Variants in PRDM16 observed in about 807,000 individuals in gnomAD.
The protein encoded by PRDM16 is PR/SET domain 16.
Under a neutral mutation model 110.6 loss-of-function variants are expected in PRDM16, and 23 were observed. That is an observed-to-expected ratio of 0.21 (90% CI 0.15 to 0.29). The LOEUF is 0.29. Ranked by LOEUF, PRDM16 falls within the 10% of genes least tolerant of loss-of-function variation. The pLI is 1.00. For synonymous variants in PRDM16, 799 were observed against 781.8 expected, an observed-to-expected ratio of 1.02 and a Z score of -0.37; for missense variants, 1,615 against 1,794.3, an observed-to-expected ratio of 0.90 and a Z score of 1.81.
rs1222309278 is a variant in PRDM16, at chr1:3,185,467, C to CCCAGGCTGCGGCCCAAGTGCAGGGATGT, written c.38-625_38-598dup. ...AGGCTGTGGCCTAAGTGCAGGGATG[C>CCCAGGCTGCGGCCCAAGTGCAGGGATGT]CCAGGCTGCGGCCCAAGTGCAGGGA... is the stretch of plus-strand genomic sequence containing the variant. On this transcript the variant is annotated intron_variant, in intron 1 of 16. Coordinates refer to ENST00000270722, the MANE Select transcript of PRDM16 (RefSeq NM_022114.4). Among the ~76,000 whole-genome samples, 3 of 151,962 alleles carry CCCAGGCTGCGGCCCAAGTGCAGGGATGT rather than the reference C, an allele frequency of 2.0e-5. No individual in the cohort carries two copies. The East Asian group carries it at 5.8e-4, about 30-fold the overall frequency.
intron 3 of PRDM16, among the ~76,000 whole-genome samples, chr1:3,264,013 G>A (rs944162147): frequency 2.6e-5 from 4 of 152,276 alleles, no homozygotes; most frequent in African/African-American, 9.6e-5. Context: ...CAAAGCTACT[G>A]TGCAGCTGAG....
intron 3 of PRDM16, among the ~76,000 whole-genome samples, chr1:3,356,584 C>T (rs994850311): frequency 6.6e-6 from 1 of 152,184 alleles, no homozygotes; most frequent in Admixed American, 6.5e-5. Context: ...CCAAGACAGC[C>T]CATGGAGCGT....
At chr1:3,074,966 G>A (rs1304516434) in intron 1 of PRDM16, among the ~76,000 whole-genome samples, 1 of 152,260 alleles carries the variant, frequency 6.6e-6, no homozygotes, top group East Asian at 1.9e-4. Context: ...GGCCACGGTG[G>A]TCATCCTGGG....
At chr1:3,165,457 T>TCACCTGGGCCCAGGGACAGG (rs1557495708) in intron 1 of PRDM16, among the ~76,000 whole-genome samples, 1 of 35,650 alleles carries the variant, frequency 2.8e-5, no homozygotes, top group African/African-American at 1.6e-4. Flanking sequence ...TCAGGGACAG[T>TCACCTGGGCCCAGGGACAGG]GACTCACCTG....
At chr1:3,129,744 G>A (rs1409562026) in intron 1 of PRDM16, among the ~76,000 whole-genome samples, 1 of 152,172 alleles carries the variant, frequency 6.6e-6, no homozygotes, top group Non-Finnish European at 1.5e-5. Context: ...GAAATCCCTG[G>A]AAGAGAAAAG....
chr1:3,090,041 C>T (rs530630480), intron 1 of PRDM16, among the ~76,000 whole-genome samples: 29 of 152,290 alleles, frequency 1.9e-4, no homozygotes, highest in African/African-American at 5.1e-4. Flanking sequence ...ACAGCTTCAC[C>T]GGACAAATAA....
At chr1:3,274,917 C>G (rs948507932) in intron 3 of PRDM16, among the ~76,000 whole-genome samples, 1 of 152,218 alleles carries the variant, frequency 6.6e-6, no homozygotes, top group Non-Finnish European at 1.5e-5. Context: ...CTGCTCAAGG[C>G]GTTCTTGCTC....
At chr1:3,269,651 A>C (rs1640385632) in intron 3 of PRDM16, among the ~76,000 whole-genome samples, 1 of 143,046 alleles carries the variant, frequency 7.0e-6, no homozygotes, top group Non-Finnish European at 1.5e-5. Context: ...GGAGGAGGAC[A>C]GTTGGGAGGA....
At chr1:3,234,365 T>C (rs1474543515) in intron 2 of PRDM16, among the ~76,000 whole-genome samples, 2 of 152,130 alleles carry the variant, frequency 1.3e-5, no homozygotes, top group African/African-American at 4.8e-5. Context: ...ACAAAGGAGC[T>C]GTCCCCGCCC....
intron 3 of PRDM16, among the ~76,000 whole-genome samples, chr1:3,368,282 G>A (rs1642850972): frequency 6.6e-6 from 1 of 152,220 alleles, no homozygotes; most frequent in Non-Finnish European, 1.5e-5. Flanking sequence ...CCGCAACACG[G>A]GCCAGGCTCC....
chr1:3,103,063 G>A (rs12131890), intron 1 of PRDM16, among the ~76,000 whole-genome samples: 8,219 of 152,212 alleles, frequency 0.054, 306 homozygotes, highest in East Asian at 0.076. Flanking sequence ...CGTTCAATGG[G>A]TCCTCCTCTA....
At chr1:3,283,293 G>A (rs2100332530) in intron 3 of PRDM16, among the ~76,000 whole-genome samples, 1 of 152,326 alleles carries the variant, frequency 6.6e-6, no homozygotes. Context: ...CTTGGCCAGG[G>A]CCCGGGGTGG....
At chr1:3,114,444 C>T (rs565508944) in intron 1 of PRDM16, among the ~76,000 whole-genome samples, 1 of 139,152 alleles carries the variant, frequency 7.2e-6, no homozygotes, top group South Asian at 2.1e-4. Flanking sequence ...TAAACAGACG[C>T]ACACGCACAC....
chr1:3,310,190 G>C (rs1206885856), intron 3 of PRDM16: 1 of 152,228 alleles, frequency 6.6e-6, no homozygotes, highest in Non-Finnish European at 1.5e-5. Flanking sequence ...CTGTACGATG[G>C]GTATCATGGT....
intron 5 of PRDM16, among the ~76,000 whole-genome samples, chr1:3,400,777 C>T (rs1054350592): frequency 1.3e-5 from 2 of 152,152 alleles, no homozygotes; most frequent in African/African-American, 4.8e-5. Flanking sequence ...TGCCTGGACA[C>T]CGGCTGAGAA....
rs72630953 is a variant in PRDM16 at position 3,124,687 on chromosome 1, T to G, written c.37+55391T>G. Reference sequence around the variant, plus strand: ...GGAAGAATGAGGGCCGGGGGTCAGGTGTATCTGGGCTTGCATCCCTACTCA... The same window carrying G: ...GGAAGAATGAGGGCCGGGGGTCAGGGGTATCTGGGCTTGCATCCCTACTCA... On this transcript the variant is annotated intron_variant, in intron 1 of 16. Transcript: ENST00000270722. 6.8e-3 allele frequency among the ~76,000 whole-genome samples: 1,040 copies of G among 152,174 alleles called. 2 individuals are homozygous for G. The highest frequency in any genetic ancestry group is 0.011 in the Non-Finnish European group (716 of 67,980).
intron 3 of PRDM16, among the ~76,000 whole-genome samples, chr1:3,277,759 A>ACACGTGCG (rs1557576380): frequency 1.5e-5 from 2 of 136,364 alleles, no homozygotes; most frequent in African/African-American, 6.8e-5. Context: ...ACACACATGC[A>ACACGTGCG]CACACGCGCA....
chr1:3,355,567 C>T (rs779997782), intron 3 of PRDM16, among the ~76,000 whole-genome samples: 33 of 152,248 alleles, frequency 2.2e-4, no homozygotes, highest in South Asian at 4.1e-4. Context: ...TACAGCCAGG[C>T]GTGCCCAAGA....
At chr1:3,097,951 G>A (rs1224990336) in intron 1 of PRDM16, among the ~76,000 whole-genome samples, 2 of 152,108 alleles carry the variant, frequency 1.3e-5, no homozygotes, top group Non-Finnish European at 2.9e-5. Flanking sequence ...CCCTCTTCTT[G>A]TCCTGTCCCT....
Sources: allele counts gnomAD v4.1 joint callset (sites outside exome capture counted in the v4.1 genomes callset), GRCh38; gene constraint gnomAD v4.1.1; transcripts MANE v1.5; gene names NCBI Gene and HGNC (gene_info 2026-07-23, HGNC 2026-07-21).